Variants in SEC24D observed in about 807,000 individuals in gnomAD.
The protein encoded by SEC24D is SEC24 homolog D, COPII component, also known as protein transport protein Sec24D.
In SEC24D, 69 loss-of-function variants were observed where a neutral mutation model predicts 116.9. The ratio of observed to expected loss-of-function variants is 0.59; its 90% CI spans 0.49 to 0.72. The LOEUF is 0.72. SEC24D is among the 30% of genes least tolerant of loss of function. SEC24D has a pLI of 0.00. For synonymous variants in SEC24D, 405 were observed against 442.8 expected (o/e 0.91, Z 1.07); for missense variants, 1,131 against 1,264.1 (o/e 0.89, Z 1.60).
chr4:118,773,072 T>C (rs867793876), intron 8 of SEC24D, among the ~76,000 whole-genome samples: 12 of 152,218 alleles, frequency 7.9e-5, no homozygotes, highest in South Asian at 2.1e-4. Context: ...CCCCTCTCTT[T>C]CTAACACTTA....
chr4:118,790,178 T>C (rs573952574), intron 8 of SEC24D, among the ~76,000 whole-genome samples: 2 of 152,328 alleles, frequency 1.3e-5, no homozygotes, highest in African/African-American at 4.8e-5. Context: ...TGAAAGTTTA[T>C]CCTTGCTAAT....
Position 118,817,271 on chromosome 4 carries a change from G to C in SEC24D, c.390C>G (p.Asn130Lys). Residue 130 changes from asparagine (N) to lysine (K), a missense_variant, in exon 4 of 23, where the codon AAC (asparagine) becomes AAG (lysine). By Grantham distance (94) the Asn-to-Lys change is moderately conservative. Coordinates refer to ENST00000280551, the MANE Select transcript of SEC24D (RefSeq NM_014822.4). ...LGSQLSAMQINSYGSGMAPPS... is the reference protein window; with the variant it reads ...LGSQLSAMQIKSYGSGMAPPS... ...TAATAATAAAACTATTACCATAGCT[G>C]TTGATTTGCATAGCACTGAGCTGGC... 1.2e-6 allele frequency: 2 copies of C among 1,603,284 alleles called. No homozygotes were observed. The highest frequency in any genetic ancestry group is 8.5e-7 in the Non-Finnish European group (1 of 1,176,704).
intron 4 of SEC24D, 143 bp from the exon 5 acceptor site, chr4:118,815,869 CAAATTG>C: frequency 1.2e-6 from 1 of 841,242 alleles, no homozygotes; most frequent in South Asian, 1.8e-5. Flanking sequence ...TTTTTTGCCA[CAAATTG>C]AAATCTTCAT....
intron 13 of SEC24D, among the ~76,000 whole-genome samples, chr4:118,746,665 T>G (rs993756777): frequency 1.3e-5 from 2 of 152,086 alleles, no homozygotes; most frequent in African/African-American, 4.8e-5. Context: ...CTGTGCACAT[T>G]CTGTTCCCTT....
chr4:118,747,940 A>G (rs1726622282), intron 13 of SEC24D, among the ~76,000 whole-genome samples: 1 of 152,222 alleles, frequency 6.6e-6, no homozygotes, highest in Admixed American at 6.5e-5. Flanking sequence ...ATTATTAATC[A>G]TAATTAAACA....
intron 13 of SEC24D, among the ~76,000 whole-genome samples, chr4:118,748,511 C>T (rs1168667833): frequency 6.6e-6 from 1 of 152,074 alleles, no homozygotes; most frequent in African/African-American, 2.4e-5. Context: ...TTCACCAAAG[C>T]CTGACTCTGC....
chr4:118,780,567 T>A (rs186493408), intron 8 of SEC24D, among the ~76,000 whole-genome samples: 1 of 152,174 alleles, frequency 6.6e-6, no homozygotes. Flanking sequence ...CTGAGATGAA[T>A]GTATATTCTG....
chr4:118,810,139 A>AGTGTGTGTGTGTGTGT (rs1729858884), intron 6 of SEC24D, among the ~76,000 whole-genome samples: 3 of 37,410 alleles, frequency 8.0e-5, no homozygotes, highest in Non-Finnish European at 1.2e-4. Flanking sequence ...TGTGTGTGTC[A>AGTGTGTGTGTGTGTGT]GAGGGTATAG....
chr4:118,725,328 A>G (rs1340043380), intron 22 of SEC24D, among the ~76,000 whole-genome samples: 1 of 152,150 alleles, frequency 6.6e-6, no homozygotes, highest in Admixed American at 6.5e-5. Flanking sequence ...TCTCCAAAGA[A>G]GTTTAAGATT....
At chr4:118,725,937 T>A (rs1359652281) in intron 22 of SEC24D, among the ~76,000 whole-genome samples, 2 of 152,182 alleles carry the variant, frequency 1.3e-5, no homozygotes, top group Non-Finnish European at 2.9e-5. Flanking sequence ...GATTGGTAGA[T>A]CCATCTTTAT....
rs1050743017 is a variant in SEC24D at position 118,748,415 on chromosome 4, A to G, written c.1708-3355T>C. Among the ~76,000 whole-genome samples the G allele has an allele frequency of 9.8e-5, 15 of 152,312 alleles. No homozygotes were observed. In the East Asian group the frequency reaches 1.4e-3, roughly 14 times the overall value. On this transcript the variant is annotated intron_variant, in intron 13 of 22. Transcript: ENST00000280551. ...AGATCCATAATTTCATAAACACACAATTATATAGTCTTTTATAAGTAGCAA... is the reference window on the plus strand; with the variant it reads ...AGATCCATAATTTCATAAACACACAGTTATATAGTCTTTTATAAGTAGCAA...
At chr4:118,833,892 T>C (rs1367622940) in intron 1 of SEC24D, among the ~76,000 whole-genome samples, 155 bp from the exon 2 acceptor site, 1 of 152,232 alleles carries the variant, frequency 6.6e-6, no homozygotes, top group Non-Finnish European at 1.5e-5. Flanking sequence ...AATATATCAT[T>C]ATCCCCTAAA....
chr4:118,788,625 T>C (rs2110494804), intron 8 of SEC24D, among the ~76,000 whole-genome samples: 1 of 152,366 alleles, frequency 6.6e-6, no homozygotes, highest in East Asian at 1.9e-4. Context: ...ACATTGTCTT[T>C]CAAATGATTT....
intron 6 of SEC24D, among the ~76,000 whole-genome samples, chr4:118,809,056 C>T (rs1053855427): frequency 6.6e-6 from 1 of 151,710 alleles, no homozygotes; most frequent in South Asian, 2.1e-4. Context: ...TCCCTGCAAG[C>T]TCTGCCTCCC....
chr4:118,735,199 A>G (rs1230298254), intron 19 of SEC24D, among the ~76,000 whole-genome samples: 1 of 152,250 alleles, frequency 6.6e-6, no homozygotes, highest in African/African-American at 2.4e-5. Flanking sequence ...AGAGGGAAGA[A>G]AAACAGGTGG....
intron 3 of SEC24D, among the ~76,000 whole-genome samples, chr4:118,821,572 A>G (rs2110531947): frequency 6.6e-6 from 1 of 152,370 alleles, no homozygotes; most frequent in South Asian, 2.1e-4. Flanking sequence ...AAAATTTTAC[A>G]TGTTAAATTC....
chr4:118,819,422 T>C lies in SEC24D; in HGVS notation c.249-2010A>G, dbSNP rs1342465425. 3.3e-5 allele frequency among the ~76,000 whole-genome samples: 5 copies of C among 150,940 alleles called. No homozygotes were observed. The South Asian group carries it at 1.0e-3, about 32-fold the overall frequency. Reference sequence around the variant, plus strand: ...GGTGGGCGCCTGTAGTCCCAGCTACTTGGGAGCCTGAGGCAGGAGAATGGC... The same window carrying C: ...GGTGGGCGCCTGTAGTCCCAGCTACCTGGGAGCCTGAGGCAGGAGAATGGC... On this transcript the variant is annotated intron_variant, in intron 3 of 22. Coordinates refer to ENST00000280551, the MANE Select transcript of SEC24D (RefSeq NM_014822.4).
intron 8 of SEC24D, among the ~76,000 whole-genome samples, chr4:118,779,377 T>C (rs1728293375): frequency 6.6e-6 from 1 of 152,182 alleles, no homozygotes; most frequent in African/African-American, 2.4e-5. Context: ...GTTTTTGTCA[T>C]TGGTTCTGTT....
At chr4:118,763,015 G>A (rs1026473390) in intron 10 of SEC24D, among the ~76,000 whole-genome samples, 1 of 152,104 alleles carries the variant, frequency 6.6e-6, no homozygotes, top group African/African-American at 2.4e-5. Context: ...GCAAAGATCG[G>A]CAAATAAATT....
Sources: allele counts gnomAD v4.1 joint callset (sites outside exome capture counted in the v4.1 genomes callset), GRCh38; gene constraint gnomAD v4.1.1; transcripts MANE v1.5; gene names NCBI Gene and HGNC (gene_info 2026-07-23, HGNC 2026-07-21).